NRXN1: variants seen among roughly 807,000 people sequenced by gnomAD.
NRXN1 encodes neurexin-1.
In NRXN1, 39 loss-of-function variants were observed where a neutral mutation model predicts 150.9. The ratio of observed to expected loss-of-function variants is 0.26; its 90% CI spans 0.20 to 0.34. The LOEUF (loss-of-function observed/expected upper bound fraction) is 0.34. Ranked by LOEUF, NRXN1 falls within the 10% of genes least tolerant of loss-of-function variation. NRXN1 has a pLI of 1.00. For synonymous variants in NRXN1, 924 were observed against 757.0 expected, an observed-to-expected ratio of 1.22 and a Z score of -3.62; for missense variants, 1,815 against 1,949.9, an observed-to-expected ratio of 0.93 and a Z score of 1.30.
intron 7 of NRXN1, among the ~76,000 whole-genome samples, chr2:50,620,653 T>C (rs1559031001): frequency 1.3e-5 from 2 of 152,126 alleles, no homozygotes; most frequent in Admixed American, 6.6e-5. Flanking sequence ...GAGCAGCAAT[T>C]GTTCAGCATG....
In NRXN1 at chr2:50,563,256, A is replaced by G. The variant is rs1025275509; in HGVS notation, c.1321-10231T>C. ...ATATCTTGCTTTGAATTACATTCCT[A>G]TTATTACAATTATTTGCAAAGTTAT... On this transcript the variant is annotated intron_variant, in intron 8 of 22. Transcript: ENST00000401669. 2.6e-5 allele frequency among the ~76,000 whole-genome samples: 4 copies of G among 152,338 alleles called. 1 individual carries two copies. The highest frequency in any genetic ancestry group is 4.1e-4 in the South Asian group (2 of 4,828).
At chr2:49,924,085 T>C (rs1668677651) in intron 22 of NRXN1, among the ~76,000 whole-genome samples, 1 of 152,200 alleles carries the variant, frequency 6.6e-6, no homozygotes, top group African/African-American at 2.4e-5. Context: ...TTCTTTTAAA[T>C]ACAGTCATCT....
chr2:50,887,012 T>C (rs1680348631), intron 5 of NRXN1, among the ~76,000 whole-genome samples: 1 of 151,418 alleles, frequency 6.6e-6, no homozygotes, highest in Admixed American at 6.6e-5. Flanking sequence ...AGAACTACAA[T>C]AGAAAATAGG....
intron 18 of NRXN1, among the ~76,000 whole-genome samples, chr2:50,171,983 C>CT (rs2060058438): frequency 6.6e-6 from 1 of 152,128 alleles, no homozygotes; most frequent in African/African-American, 2.4e-5. Flanking sequence ...AGTCATGACC[C>CT]TCTTTACTCA....
chr2:50,405,172 T>G (rs1389149247), intron 17 of NRXN1, among the ~76,000 whole-genome samples: 1 of 152,170 alleles, frequency 6.6e-6, no homozygotes, highest in East Asian at 1.9e-4. Flanking sequence ...ATGTTTCTCA[T>G]GCTTTCATTT....
chr2:50,487,058 C>G (rs377499613), intron 15 of NRXN1, among the ~76,000 whole-genome samples: 10 of 152,222 alleles, frequency 6.6e-5, no homozygotes, highest in African/African-American at 2.4e-4. Context: ...TTAACCTCCC[C>G]AAGCCTCATG....
intron 5 of NRXN1, among the ~76,000 whole-genome samples, chr2:50,726,853 A>G (rs1007854945): frequency 2.6e-5 from 4 of 152,208 alleles, no homozygotes; most frequent in African/African-American, 9.7e-5. Flanking sequence ...TCTATTCTAA[A>G]TAAGTTGCTT....
intron 17 of NRXN1, among the ~76,000 whole-genome samples, chr2:50,282,471 A>C (rs1420157211): frequency 6.6e-6 from 1 of 152,146 alleles, no homozygotes; most frequent in Non-Finnish European, 1.5e-5. Context: ...CACAGGATAT[A>C]AAATCTGAGT....
chr2:50,548,240 C>T (rs1461512084), intron 9 of NRXN1: 3 of 152,114 alleles, frequency 2.0e-5, no homozygotes, highest in Non-Finnish European at 4.4e-5. Flanking sequence ...GATATAGGGA[C>T]CTCAAGACCA....
rs1215213346 is a variant in NRXN1 at position 50,497,359 on chromosome 2, G to A, written c.2853C>T (p.Asp951=). ...CTTTAACTAATTCAACCACAATAAA[G>A]TCATTTCCATCCCCACTGTTATATA... ...LILYNSGDGN[D]FIVVELVKGY... Residue 951 remains aspartate, a synonymous_variant, in exon 14 of 23, where the codon GAC becomes GAT. Coordinates refer to ENST00000401669, the MANE Select transcript of NRXN1 (RefSeq NM_001330078.2). 3 of 1,548,558 alleles carry A rather than the reference G, an allele frequency of 1.9e-6. No individual in the cohort carries two copies. The highest frequency in any genetic ancestry group is 2.6e-6 in the Non-Finnish European group (3 of 1,146,750).
At chr2:50,276,438 A>C (rs563960883) in intron 17 of NRXN1, among the ~76,000 whole-genome samples, 1 of 152,242 alleles carries the variant, frequency 6.6e-6, no homozygotes, top group East Asian at 1.9e-4. Flanking sequence ...TGTTGCTTTA[A>C]AGCAAGATTA....
intron 18 of NRXN1, among the ~76,000 whole-genome samples, chr2:50,092,960 CTTA>C (rs1335286188): frequency 6.6e-6 from 1 of 152,048 alleles, no homozygotes; most frequent in Non-Finnish European, 1.5e-5. Flanking sequence ...ATAAAGATAA[CTTA>C]TTATGTCTCT....
At chr2:50,056,914 G>T (rs1693735767) in intron 19 of NRXN1, among the ~76,000 whole-genome samples, 1 of 152,060 alleles carries the variant, frequency 6.6e-6, no homozygotes, top group Non-Finnish European at 1.5e-5. Flanking sequence ...ATGATTAGGT[G>T]GTTCCTCATG....
intron 5 of NRXN1, among the ~76,000 whole-genome samples, chr2:50,817,029 G>T (rs768882179): frequency 6.6e-6 from 1 of 151,950 alleles, no homozygotes. Flanking sequence ...ACTGTCTAAA[G>T]AAAAAGGGTC....
At chr2:50,379,804 CTTTAT>C (rs1400121201) in intron 17 of NRXN1, among the ~76,000 whole-genome samples, 6 of 152,222 alleles carry the variant, frequency 3.9e-5, no homozygotes, top group South Asian at 2.1e-4. Flanking sequence ...TAAATACATG[CTTTAT>C]TTTAAGTCCC....
At chr2:50,070,749 G>A (rs1433524410) in intron 19 of NRXN1, among the ~76,000 whole-genome samples, 3 of 121,342 alleles carry the variant, frequency 2.5e-5, no homozygotes, top group East Asian at 2.5e-4. Flanking sequence ...CAGCCTGGGC[G>A]ACAGAGCGAG....
rs560459793 is a variant in NRXN1 at position 50,652,442 on chromosome 2, T to C, written c.833-28827A>G. Among the ~76,000 whole-genome samples, 13 of 152,208 alleles carry C rather than the reference T, an allele frequency of 8.5e-5. No individual in the cohort carries two copies. In the East Asian group the frequency reaches 2.3e-3, roughly 27 times the overall value. Reference sequence around the variant, plus strand: ...GCAAACACTAATCTTTTTGTCTGTATAGGTTTGCCTTTTTTGGACAATTAA... The same window carrying C: ...GCAAACACTAATCTTTTTGTCTGTACAGGTTTGCCTTTTTTGGACAATTAA... On this transcript the variant is annotated intron_variant, in intron 5 of 22. Transcript: ENST00000401669.
intron 5 of NRXN1, among the ~76,000 whole-genome samples, chr2:50,750,488 T>C (rs1449975105): frequency 6.6e-6 from 1 of 151,898 alleles, no homozygotes; most frequent in African/African-American, 2.4e-5. Context: ...AAGAACCTAA[T>C]GCAAATGATG....
At chr2:50,524,309 T>C (rs1364038380) in intron 12 of NRXN1, among the ~76,000 whole-genome samples, 1 of 151,832 alleles carries the variant, frequency 6.6e-6, no homozygotes, top group Non-Finnish European at 1.5e-5. Context: ...CAAAACCCCA[T>C]CTCTACTAAA....
Sources: gnomAD v4.1 joint callset for allele counts (sites outside exome capture counted in the v4.1 genomes callset) on GRCh38, gnomAD v4.1.1 for gene constraint, MANE v1.5 for transcripts, NCBI Gene and HGNC (gene_info 2026-07-23, HGNC 2026-07-21) for gene names.